FLRT2: variants seen among roughly 807,000 people sequenced by gnomAD.
The protein encoded by FLRT2 is leucine-rich repeat transmembrane protein FLRT2.
FLRT2 carries 15 observed loss-of-function variants against 40.0 expected under a neutral mutation model. The ratio of observed to expected loss-of-function variants is 0.38; its 90% CI spans 0.25 to 0.58. The LOEUF (loss-of-function observed/expected upper bound fraction) is 0.58. FLRT2 is among the 20% of genes least tolerant of loss of function. The pLI is 0.71. For synonymous variants in FLRT2, 380 were observed against 336.8 expected (o/e 1.13, Z -1.41); for missense variants, 726 against 840.0 (o/e 0.86, Z 1.68).
chr14:85,586,910 G>T (rs1891644025), intron 1 of FLRT2, among the ~76,000 whole-genome samples: 1 of 152,146 alleles, frequency 6.6e-6, no homozygotes, highest in South Asian at 2.1e-4. Context: ...ACATACAAAA[G>T]GTTGACGTGG....
intron 1 of FLRT2, among the ~76,000 whole-genome samples, chr14:85,546,088 T>A (rs1889265058): frequency 6.6e-6 from 1 of 152,316 alleles, no homozygotes; most frequent in African/African-American, 2.4e-5. Context: ...GAATGGAAAA[T>A]AAGCACAGTA....
Position 85,634,756 on chromosome 14 carries a change from A to G in FLRT2, c.*11259A>G, listed in dbSNP as rs1219175527. On this transcript the variant is annotated 3_prime_UTR_variant, in exon 2 of 2. Transcript: ENST00000330753. ...GTGCCTGACACATATAAAGTGCTCA[A>G]TAAATGCCAGCTACTTTCTGAAAAT... 6.6e-6 allele frequency: 1 copy of G among 152,210 alleles called. No individual in the cohort carries two copies. Among genetic ancestry groups the G allele is most frequent in the African/African-American group, 2.4e-5 (1 of 41,462 alleles). 9.4% of individuals were successfully genotyped at this position (152,210 alleles called of 1,614,324 possible). A position where few individuals can be genotyped will look rare whatever the true frequency, so the allele number is the denominator to read the frequency against.
chr14:85,602,416 G>A (rs1054245670), intron 1 of FLRT2, among the ~76,000 whole-genome samples: 6 of 152,178 alleles, frequency 3.9e-5, no homozygotes, highest in African/African-American at 7.2e-5. Flanking sequence ...ATTGGAAGGC[G>A]AGATGGCACT....
intron 1 of FLRT2, among the ~76,000 whole-genome samples, chr14:85,582,767 G>T (rs1891448889): frequency 6.6e-6 from 1 of 151,940 alleles, no homozygotes; most frequent in Non-Finnish European, 1.5e-5. Flanking sequence ...TACATATCTA[G>T]CTGTTTTTAT....
chr14:85,603,709 A>C (rs1173283219), intron 1 of FLRT2, among the ~76,000 whole-genome samples: 1 of 145,588 alleles, frequency 6.9e-6, no homozygotes, highest in Non-Finnish European at 1.5e-5. Flanking sequence ...CTCTACCAAA[A>C]ATACAAAAAT....
rs1282244493 is a variant in FLRT2, at chr14:85,641,661, C to T, written c.*18164C>T. The T allele has an allele frequency of 6.6e-6, 1 of 152,232 alleles. No homozygotes were observed. Among genetic ancestry groups the T allele is most frequent in the African/African-American group, 2.4e-5 (1 of 41,466 alleles). 9.4% of individuals were successfully genotyped at this position (152,232 alleles called of 1,614,324 possible). ...CTAATACTTATATTAAATACCTCTC[C>T]TGCTTTGAATAAATGGAATAATTTC... On this transcript the variant is annotated 3_prime_UTR_variant, in exon 2 of 2. Transcript: ENST00000330753.
chr14:85,570,317 A>G (rs7146302), intron 1 of FLRT2, among the ~76,000 whole-genome samples: 78,789 of 152,070 alleles, frequency 0.52, 21,691 homozygotes, highest in Non-Finnish European at 0.62. Context: ...TGAACATGTA[A>G]CAATTCAACT....
At chr14:85,551,701 T>C (rs1034031052) in intron 1 of FLRT2, 9 of 152,298 alleles carry the variant, frequency 5.9e-5, no homozygotes, top group African/African-American at 2.2e-4. Flanking sequence ...TAGATTTTAA[T>C]GGACCCGACT....
chr14:85,549,438 C>T lies in FLRT2; in HGVS notation c.-377+18904C>T, dbSNP rs147923626. On this transcript the variant is annotated intron_variant, in intron 1 of 1. Coordinates refer to ENST00000330753, the MANE Select transcript of FLRT2 (RefSeq NM_013231.6). ...TACCCTGCCCATGAGGGGTTGAGAG[C>T]TGTGGGCTGAGTAAATGAGCCAACC... Among the ~76,000 whole-genome samples the T allele has an allele frequency of 1.7e-3, 260 of 152,296 alleles. 4 individuals carry two copies. Among genetic ancestry groups the T allele is most frequent in the African/African-American group, 6.0e-3 (250 of 41,576 alleles).
intron 1 of FLRT2, among the ~76,000 whole-genome samples, chr14:85,547,362 G>T (rs184657289): frequency 1.4e-5 from 2 of 141,758 alleles, no homozygotes; most frequent in African/African-American, 5.3e-5. Flanking sequence ...TCGCTCTTTC[G>T]CCCAGGCTGG....
chr14:85,589,645 T>C (rs1160570891), intron 1 of FLRT2, among the ~76,000 whole-genome samples: 6 of 152,212 alleles, frequency 3.9e-5, no homozygotes. Context: ...TTGCTTTGGC[T>C]GCCTGTGCTT....
chr14:85,584,962 A>G (rs1891553577), intron 1 of FLRT2, among the ~76,000 whole-genome samples: 1 of 152,000 alleles, frequency 6.6e-6, no homozygotes, highest in African/African-American at 2.4e-5. Context: ...AATGATGGAT[A>G]AAGATGTAAG....
At chr14:85,584,156 A>G (rs1050352831) in intron 1 of FLRT2, among the ~76,000 whole-genome samples, 2 of 152,098 alleles carry the variant, frequency 1.3e-5, no homozygotes, top group Admixed American at 1.3e-4. Flanking sequence ...TATTGTTTTA[A>G]CCTCTCTGTT....
intron 1 of FLRT2, among the ~76,000 whole-genome samples, chr14:85,578,160 C>T (rs973747001): frequency 7.1e-6 from 1 of 140,174 alleles, no homozygotes; most frequent in South Asian, 2.3e-4. Context: ...ATAAAAATAT[C>T]TTTATATATA....
intron 1 of FLRT2, among the ~76,000 whole-genome samples, chr14:85,534,077 G>T (rs1367796922): frequency 2.0e-5 from 3 of 152,172 alleles, no homozygotes; most frequent in African/African-American, 7.2e-5. Flanking sequence ...GCCCTCGCGG[G>T]TCTGGCAGAA....
At position 85,650,203 on chromosome 14, in the gene FLRT2, C is replaced by T. The variant is rs1043238460; in HGVS notation, c.*26706C>T. The T allele has an allele frequency of 2.6e-5, 4 of 151,980 alleles. No individual in the cohort carries two copies. Among genetic ancestry groups the T allele is most frequent in the Non-Finnish European group, 5.9e-5 (4 of 67,942 alleles). 9.4% of individuals were successfully genotyped at this position (151,980 alleles called of 1,614,324 possible). ...TTTTAAATTTATACATAAACAATTT[C>T]AAACTCTATGAATCATTCTACATTT... On this transcript the variant is annotated 3_prime_UTR_variant, in exon 2 of 2. Transcript: ENST00000330753.
In FLRT2 at chr14:85,623,757, G is replaced by T; in HGVS notation, c.*260G>T. The T allele has an allele frequency of 3.0e-6, 1 of 335,772 alleles. No individual in the cohort carries two copies. The highest frequency in any genetic ancestry group is 5.6e-6 in the Non-Finnish European group (1 of 179,032). The allele number at this position is 335,772 out of a possible 1,614,324, so 20.8% of individuals were successfully genotyped here. A position where few individuals can be genotyped will look rare whatever the true frequency, so the allele number is the denominator to read the frequency against. ...AAAAAAAAAAAGTTGCTGAAGTACT[G>T]TACAGGGTTGTACAATGAGAACCCA... On this transcript the variant is annotated 3_prime_UTR_variant, in exon 2 of 2. Coordinates refer to ENST00000330753, the MANE Select transcript of FLRT2 (RefSeq NM_013231.6).
chr14:85,591,985 A>C (rs1023066442), intron 1 of FLRT2, among the ~76,000 whole-genome samples: 1 of 152,228 alleles, frequency 6.6e-6, no homozygotes, highest in African/African-American at 2.4e-5. Context: ...TAAACACATA[A>C]ACAGTCAAGA....
chr14:85,603,592 A>T (rs1022319921), intron 1 of FLRT2, among the ~76,000 whole-genome samples: 56 of 152,250 alleles, frequency 3.7e-4, no homozygotes, highest in Middle Eastern at 3.4e-3. Context: ...GATTGAGACC[A>T]GGCACGGTGG....
Sources: gnomAD v4.1 joint callset for allele counts (sites outside exome capture counted in the v4.1 genomes callset) on GRCh38, gnomAD v4.1.1 for gene constraint, MANE v1.5 for transcripts, NCBI Gene and HGNC (gene_info 2026-07-23, HGNC 2026-07-21) for gene names.